Variants in ALK observed in about 807,000 individuals in gnomAD.
The protein encoded by ALK is ALK receptor tyrosine kinase.
In ALK, 74 loss-of-function variants were observed where a neutral mutation model predicts 163.1. The observed-to-expected ratio is 0.45, with a 90% CI of 0.38 to 0.55. The LOEUF is 0.55. Ranked by LOEUF, ALK falls within the 20% of genes least tolerant of loss-of-function variation. The pLI is 0.00. For synonymous variants in ALK, 960 were observed against 843.2 expected (o/e 1.14, Z -2.40); for missense variants, 2,063 against 2,105.3 (o/e 0.98, Z 0.39).
intron 3 of ALK, among the ~76,000 whole-genome samples, chr2:29,680,265 A>T (rs1678023444): frequency 6.6e-6 from 1 of 152,118 alleles, no homozygotes; most frequent in East Asian, 1.9e-4. Flanking sequence ...CTTCAAAAAA[A>T]TTTTGCCCCC....
chr2:29,590,534 C>T (rs190622858), intron 3 of ALK, among the ~76,000 whole-genome samples: 55 of 152,252 alleles, frequency 3.6e-4, no homozygotes, highest in Admixed American at 1.2e-3. Flanking sequence ...AGCAAAAACC[C>T]TCCACCCTAG....
chr2:29,891,438 A>G (rs1040305874), intron 1 of ALK, among the ~76,000 whole-genome samples: 1 of 152,200 alleles, frequency 6.6e-6, no homozygotes, highest in African/African-American at 2.4e-5. Flanking sequence ...CAATGTTGAC[A>G]TAACACTTAT....
intron 4 of ALK, among the ~76,000 whole-genome samples, chr2:29,452,712 C>T (rs766479936): frequency 1.3e-5 from 2 of 152,186 alleles, no homozygotes; most frequent in East Asian, 1.9e-4. Context: ...CCTCTCCACA[C>T]GTTAACTTCA....
chr2:29,717,669 G>A lies in ALK; in HGVS notation c.696C>T (p.Asn232=). ...TGHSSLESPT[N]MPSPSPDYFT... The stretch of plus-strand genomic sequence containing the variant: ...AATAATCAGGAGAAGGAGAAGGCAT[G>A]TTTGTTGGTGATTCCAAGGAGCTAT... The change falls in exon 2 of 29, where the codon AAC becomes AAT. Residue 232 remains asparagine (N), a synonymous_variant. Coordinates refer to ENST00000389048, the MANE Select transcript of ALK (RefSeq NM_004304.5). 1 of 1,614,096 alleles carries A rather than the reference G, an allele frequency of 6.2e-7. No homozygotes were observed. Among genetic ancestry groups the A allele is most frequent in the Non-Finnish European group, 8.5e-7 (1 of 1,179,938 alleles).
chr2:29,466,076 T>C (rs906678419), intron 4 of ALK, among the ~76,000 whole-genome samples: 1 of 152,082 alleles, frequency 6.6e-6, no homozygotes, highest in Non-Finnish European at 1.5e-5. Flanking sequence ...CAAAATTATA[T>C]TAAAAAAGAA....
chr2:29,831,113 GAAGAAGAA>G, intron 1 of ALK, among the ~76,000 whole-genome samples: 1 of 56,794 alleles, frequency 1.8e-5, no homozygotes, highest in Non-Finnish European at 3.3e-5. Flanking sequence ...AGGAGGAGAA[GAAGAAGAA>G]GAAGGGGAAG....
At chr2:29,647,659 C>A (rs951045556) in intron 3 of ALK, among the ~76,000 whole-genome samples, 3 of 152,106 alleles carry the variant, frequency 2.0e-5, no homozygotes, top group African/African-American at 7.2e-5. Flanking sequence ...CTGATTAAGC[C>A]CGTCCATACA....
intron 5 of ALK, among the ~76,000 whole-genome samples, chr2:29,346,961 G>A (rs1008973745): frequency 1.3e-5 from 2 of 152,164 alleles, no homozygotes; most frequent in Admixed American, 6.5e-5. Context: ...TTACCCGATG[G>A]TCAGATGTGG....
intron 3 of ALK, among the ~76,000 whole-genome samples, chr2:29,575,431 C>G (rs1486570678): frequency 1.3e-5 from 2 of 152,178 alleles, no homozygotes; most frequent in African/African-American, 4.8e-5. Flanking sequence ...CCTACCCCCA[C>G]TGCAACCTCC....
chr2:29,787,074 C>T (rs1664052513), intron 1 of ALK, among the ~76,000 whole-genome samples: 1 of 152,054 alleles, frequency 6.6e-6, no homozygotes, highest in African/African-American at 2.4e-5. Flanking sequence ...GGATTACAGG[C>T]ATGAGCCACC....
chr2:29,748,904 C>G (rs1042697278), intron 1 of ALK, among the ~76,000 whole-genome samples: 2 of 152,124 alleles, frequency 1.3e-5, no homozygotes, highest in African/African-American at 4.8e-5. Flanking sequence ...AGCCATTACT[C>G]CTGGCTAATT....
intron 1 of ALK, among the ~76,000 whole-genome samples, chr2:29,807,636 A>G (rs1664655737): frequency 6.6e-6 from 1 of 152,272 alleles, no homozygotes; most frequent in South Asian, 2.1e-4. Flanking sequence ...CAAGCCAGTA[A>G]GCAAGTAGTA....
intron 8 of ALK, among the ~76,000 whole-genome samples, chr2:29,310,185 G>A (rs1278679597): frequency 6.6e-6 from 1 of 152,184 alleles, no homozygotes. Context: ...TTATAGATTT[G>A]GTTGGGGAGT....
chr2:29,872,452 A>T (rs1666602096), intron 1 of ALK, among the ~76,000 whole-genome samples: 1 of 152,246 alleles, frequency 6.6e-6, no homozygotes, highest in Admixed American at 6.5e-5. Context: ...ATTTAATACA[A>T]CATCATAGGT....
At chr2:29,793,452 T>C (rs1664235399) in intron 1 of ALK, among the ~76,000 whole-genome samples, 1 of 152,174 alleles carries the variant, frequency 6.6e-6, no homozygotes, top group Admixed American at 6.6e-5. Context: ...ATGTTCTAAA[T>C]GGCATCTAGA....
chr2:29,653,715 A>T (rs1177594757), intron 3 of ALK, among the ~76,000 whole-genome samples: 1 of 152,158 alleles, frequency 6.6e-6, no homozygotes, highest in Non-Finnish European at 1.5e-5. Flanking sequence ...ACACGGTATG[A>T]GGAAGAGGTG....
chr2:29,751,644 CAA>C, intron 1 of ALK, among the ~76,000 whole-genome samples: 2 of 152,172 alleles, frequency 1.3e-5, no homozygotes, highest in East Asian at 3.9e-4. Flanking sequence ...CCTAGGATCC[CAA>C]TTCTCAGGTT....
chr2:29,386,004 G>A (rs76388342), intron 4 of ALK, among the ~76,000 whole-genome samples: 104 of 152,274 alleles, frequency 6.8e-4, no homozygotes, highest in African/African-American at 2.3e-3. Flanking sequence ...TTCTGCATGC[G>A]CTTGCTAACA....
chr2:29,583,541 G>T (rs1674787116), intron 3 of ALK, among the ~76,000 whole-genome samples: 1 of 151,826 alleles, frequency 6.6e-6, no homozygotes, highest in African/African-American at 2.4e-5. Flanking sequence ...AACCTCTCTT[G>T]ATCTCAGTTT....
Sources: gnomAD v4.1 joint callset for allele counts (sites outside exome capture counted in the v4.1 genomes callset) on GRCh38, gnomAD v4.1.1 for gene constraint, MANE v1.5 for transcripts, NCBI Gene and HGNC (gene_info 2026-07-23, HGNC 2026-07-21) for gene names.